BRI3BP: variants seen among roughly 807,000 people sequenced by gnomAD.
BRI3BP encodes the protein BRI3-binding protein.
In BRI3BP, 7 loss-of-function variants were observed where a neutral mutation model predicts 15.8. The ratio of observed to expected loss-of-function variants is 0.44; its 90% CI spans 0.25 to 0.83. The LOEUF (loss-of-function observed/expected upper bound fraction) is 0.83. Among genes scored for constraint, BRI3BP ranks in the 40% least tolerant of loss-of-function variants. The pLI is 0.20. For missense variants in BRI3BP, 320 were observed against 339.3 expected (o/e 0.94, Z 0.45); for synonymous variants, 192 against 163.5 (o/e 1.17, Z -1.33).
chr12:125,018,849 C>CTGTTTTTGTTTT (rs923518718), intron 2 of BRI3BP, among the ~76,000 whole-genome samples: 16 of 151,554 alleles, frequency 1.1e-4, no homozygotes, highest in Non-Finnish European at 2.1e-4. Flanking sequence ...CTGGCTAATT[C>CTGTTTTTGTTTT]TGTTTTTGTT....
At chr12:125,050,499 A>T in the BRI3BP span, among the ~76,000 whole-genome samples, 4 of 152,280 alleles carry the variant, frequency 2.6e-5, no homozygotes, top group African/African-American at 9.6e-5. Flanking sequence ...CACAATATCG[A>T]CTTACAGTAT....
chr12:125,012,420 C>T, intron 1 of BRI3BP, 114 bp from the exon 2 acceptor site: 2 of 812,364 alleles, frequency 2.5e-6, no homozygotes, highest in Non-Finnish European at 4.2e-6. Flanking sequence ...TGGTATTCAT[C>T]ATGGGCTCAC....
intron 1 of BRI3BP, 69 bp downstream of exon 1, chr12:124,994,072 C>T (rs1594523816): frequency 2.8e-6 from 3 of 1,067,906 alleles, no homozygotes; most frequent in East Asian, 4.2e-5. Context: ...CGGGGCCGAC[C>T]TGGGAGGAGC....
chr12:125,043,044 G>C, the BRI3BP span, among the ~76,000 whole-genome samples: 1 of 151,470 alleles, frequency 6.6e-6, no homozygotes, highest in African/African-American at 2.4e-5. Context: ...TTATATCATT[G>C]GTCTGGTAGA....
chr12:125,050,547 C>T, the BRI3BP span, among the ~76,000 whole-genome samples: 2 of 152,328 alleles, frequency 1.3e-5, no homozygotes, highest in South Asian at 2.1e-4. Flanking sequence ...GCCTTAATAC[C>T]TTCAGTCTTT....
At chr12:125,031,688 C>T (rs1955407405), downstream of BRI3BP, among the ~76,000 whole-genome samples, 1 of 142,252 alleles carries the variant, frequency 7.0e-6, no homozygotes. Flanking sequence ...GCGAGCATGT[C>T]CGGCCAATTT....
At position 125,025,269 on chromosome 12, in the gene BRI3BP, G is replaced by A. The variant is rs752859936; in HGVS notation, c.595G>A (p.Gly199Arg). ...CFVVAVYFMTGPMGFYWRSSP... is the reference protein window; with the variant it reads ...CFVVAVYFMTRPMGFYWRSSP... ...CGTGGTGGCCGTCTACTTCATGACC[G>A]GGCCCATGGGCTTCTACTGGCGAAG... is the stretch of plus-strand genomic sequence containing the variant. The change falls in exon 3 of 3, where the codon GGG becomes AGG. Residue 199 changes from glycine (G) to arginine (R), a missense_variant. Gly to Arg is a moderately radical substitution (Grantham distance 125). Coordinates refer to ENST00000341446, the MANE Select transcript of BRI3BP (RefSeq NM_080626.6). 1.9e-6 allele frequency: 3 copies of A among 1,614,022 alleles called. No individual in the cohort carries two copies. The highest frequency in any genetic ancestry group is 2.5e-6 in the Non-Finnish European group (3 of 1,180,032).
rs376021994 is a variant in BRI3BP at position 125,012,914 on chromosome 12, TA to T, written c.316+287del. 1.1e-4 allele frequency among the ~76,000 whole-genome samples: 16 copies of T among 150,994 alleles called. No homozygotes were observed. The East Asian group carries it at 1.9e-3, about 18-fold the overall frequency. ...GCAACATGGTGAGATCCCATCTCTA[TA>T]AAAAAAAAGTACAAAAAAATTGCTG... On this transcript the variant is annotated intron_variant, in intron 2 of 2. Coordinates refer to ENST00000341446, the MANE Select transcript of BRI3BP (RefSeq NM_080626.6).
At chr12:125,010,354 G>A (rs1314305595) in intron 1 of BRI3BP, among the ~76,000 whole-genome samples, 1 of 152,180 alleles carries the variant, frequency 6.6e-6, no homozygotes, top group Non-Finnish European at 1.5e-5. Context: ...TCGACAGCCT[G>A]GCTTGTGCTT....
intron 1 of BRI3BP, among the ~76,000 whole-genome samples, chr12:125,004,004 A>AC (rs1955121635): frequency 7.9e-6 from 1 of 126,970 alleles, no homozygotes; most frequent in Non-Finnish European, 1.7e-5. Context: ...CACACACACA[A>AC]CACACAATAC....
chr12:125,020,135 A>G (rs536751609), intron 2 of BRI3BP, among the ~76,000 whole-genome samples: 49 of 151,718 alleles, frequency 3.2e-4, no homozygotes, highest in African/African-American at 1.1e-3. Context: ...TAATAGAGAC[A>G]AGGTTTCGCC....
chr12:125,018,048 G>A lies in BRI3BP; in HGVS notation c.316+5412G>A, dbSNP rs1955262627. On this transcript the variant is annotated intron_variant, in intron 2 of 2. Transcript: ENST00000341446. The stretch of plus-strand genomic sequence containing the variant: ...GGTCGGTATTCAGTAAACACTCGGG[G>A]GCTTACAAAGGGGCCCTCCTTCAAA... 2.0e-5 allele frequency among the ~76,000 whole-genome samples: 3 copies of A among 152,068 alleles called. No individual in the cohort carries two copies. The South Asian group carries it at 6.2e-4, about 31-fold the overall frequency.
chr12:125,020,200 C>T (rs755329785), intron 2 of BRI3BP, among the ~76,000 whole-genome samples: 1 of 152,114 alleles, frequency 6.6e-6, no homozygotes, highest in Non-Finnish European at 1.5e-5. Context: ...CCCACCTTGG[C>T]CTCCCAAAGA....
rs58016016 is a variant in BRI3BP, at chr12:125,016,825, C to CTTTTT, written c.316+4212_316+4216dup. 1.5e-4 allele frequency among the ~76,000 whole-genome samples: 6 copies of CTTTTT among 39,808 alleles called. 1 individual carries two copies. The highest frequency in any genetic ancestry group is 2.1e-3 in the South Asian group (1 of 476). The allele number at this position is 39,808 out of a possible 152,430, so 26.1% of individuals were successfully genotyped here. A position where few individuals can be genotyped will look rare whatever the true frequency, so the allele number is the denominator to read the frequency against. On this transcript the variant is annotated intron_variant, in intron 2 of 2. Coordinates refer to ENST00000341446, the MANE Select transcript of BRI3BP (RefSeq NM_080626.6). ...ACGGGCATGAGCCACTGCGCCCAGC[C>CTTTTT]TTTTTTTTTTTTTTTTTTTTTTTTT...
chr12:125,050,658 G>A, the BRI3BP span, among the ~76,000 whole-genome samples: 21 of 152,236 alleles, frequency 1.4e-4, no homozygotes, highest in Non-Finnish European at 2.9e-4. Flanking sequence ...CGGTCATGGC[G>A]CTTGCTCTTG....
chr12:124,993,749 GC>G lies in BRI3BP; in HGVS notation c.-39del. ...GGAGCCCGCTGCGGCCCAGCGCACG[GC>G]CCTCACCCCGCATCGCGACCCCGCG... On this transcript the variant is annotated 5_prime_UTR_variant, in exon 1 of 3. Coordinates refer to ENST00000341446, the MANE Select transcript of BRI3BP (RefSeq NM_080626.6). The G allele has an allele frequency of 1.0e-6, 1 of 977,114 alleles. No homozygotes were observed. The highest frequency in any genetic ancestry group is 1.2e-6 in the Non-Finnish European group (1 of 821,526). The allele number at this position is 977,114 out of a possible 1,614,324, so 60.5% of individuals were successfully genotyped here.
chr12:124,995,389 G>C (rs147634666), intron 1 of BRI3BP, among the ~76,000 whole-genome samples: 2 of 152,324 alleles, frequency 1.3e-5, no homozygotes, highest in East Asian at 3.9e-4. Flanking sequence ...TTTGAAGGCA[G>C]AAATCATTTG....
At chr12:125,018,919 C>T (rs1955269693) in intron 2 of BRI3BP, among the ~76,000 whole-genome samples, 1 of 151,978 alleles carries the variant, frequency 6.6e-6, no homozygotes, top group African/African-American at 2.4e-5. Flanking sequence ...AGAGCAATGC[C>T]GCAATCTTGG....
Position 125,025,008 on chromosome 12 carries a change from T to G in BRI3BP, c.334T>G (p.Tyr112Asp), listed in dbSNP as rs149696895. The change falls in exon 3 of 3, where the codon TAT becomes GAT. Residue 112 changes from tyrosine (Y) to aspartate (D), a missense_variant. Coordinates refer to ENST00000341446, the MANE Select transcript of BRI3BP (RefSeq NM_080626.6). ...TCCCGCAGTCTCCAACCTGTCCCAG[T>G]ATTTCAGCCCAGCCTCGGTGTCCAG... Reference protein sequence around the residue: ...LGLDVSNLSQYFSPASVSSSP... With the variant: ...LGLDVSNLSQDFSPASVSSSP... 3.4e-4 allele frequency: 548 copies of G among 1,612,900 alleles called. 3 individuals are homozygous for G. In the Middle Eastern group the frequency reaches 3.8e-3, roughly 11 times the overall value.
Sources: gnomAD v4.1 joint callset for allele counts (sites outside exome capture counted in the v4.1 genomes callset) on GRCh38, gnomAD v4.1.1 for gene constraint, MANE v1.5 for transcripts, NCBI Gene and HGNC (gene_info 2026-07-23, HGNC 2026-07-21) for gene names.